ELP4: variants seen among roughly 807,000 people sequenced by gnomAD.
ELP4 encodes the protein elongator complex protein 4.
ELP4 carries 51 observed loss-of-function variants against 48.9 expected under a neutral mutation model. The observed-to-expected ratio is 1.04, with a 90% CI of 0.83 to 1.32. ELP4 has a LOEUF of 1.32. Ranked by LOEUF, ELP4 falls within the 40% of genes most tolerant of loss-of-function variation. The pLI, the probability that ELP4 is intolerant of heterozygous loss-of-function variation, is 0.00. For missense variants in ELP4, 519 were observed against 514.6 expected (o/e 1.01, Z -0.08); for synonymous variants, 210 against 189.2 (o/e 1.11, Z -0.90).
At chr11:31,691,503 G>T (rs1467726354) in intron 9 of ELP4, among the ~76,000 whole-genome samples, 3 of 152,000 alleles carry the variant, frequency 2.0e-5, no homozygotes, top group Non-Finnish European at 2.9e-5. Context: ...CATAAATTGT[G>T]TTTGGTGTTT....
Position 31,636,378 on chromosome 11 carries a change from A to G in ELP4, c.927+3973A>G, listed in dbSNP as rs563697919. ...TGTGATATCTTTATTTGAGTGCATT[A>G]TATAAATTAATATTAAAGGTACTTT... On this transcript the variant is annotated intron_variant, in intron 7 of 9. Coordinates refer to ENST00000640961, the MANE Select transcript of ELP4 (RefSeq NM_019040.5). 3.3e-5 allele frequency among the ~76,000 whole-genome samples: 5 copies of G among 151,910 alleles called. No homozygotes were observed. The South Asian group carries it at 1.0e-3, about 31-fold the overall frequency.
At chr11:31,741,770 G>T (rs1456447396) in intron 9 of ELP4, among the ~76,000 whole-genome samples, 1 of 151,984 alleles carries the variant, frequency 6.6e-6, no homozygotes, top group Non-Finnish European at 1.5e-5. Flanking sequence ...AAAGACCAAA[G>T]GTAGATAAAA....
Position 31,566,463 on chromosome 11 carries a change from T to C in ELP4, c.381+26680T>C, listed in dbSNP as rs145946676. On this transcript the variant is annotated intron_variant, in intron 3 of 9. Transcript: ENST00000640961. ...TTAATTTGTATGGACCACATTTTTATTTTCTGTTATTTTTGTTCAAATTTT... is the reference window on the plus strand; with the variant it reads ...TTAATTTGTATGGACCACATTTTTACTTTCTGTTATTTTTGTTCAAATTTT... Among the ~76,000 whole-genome samples the C allele has an allele frequency of 3.8e-3, 577 of 152,312 alleles. 2 individuals carry two copies. The highest frequency in any genetic ancestry group is 0.013 in the African/African-American group (556 of 41,564).
chr11:31,750,982 A>G (rs1303344457), intron 9 of ELP4, among the ~76,000 whole-genome samples: 1 of 152,206 alleles, frequency 6.6e-6, no homozygotes, highest in Non-Finnish European at 1.5e-5. Context: ...AGGCTCCAGT[A>G]TTTAACACCT....
intron 9 of ELP4, among the ~76,000 whole-genome samples, chr11:31,712,626 A>C (rs544461615): frequency 6.6e-6 from 1 of 152,126 alleles, no homozygotes; most frequent in Admixed American, 6.5e-5. Context: ...TACAATTTTC[A>C]TTTTTAAGAG....
At chr11:31,756,192 G>A (rs1444578910) in intron 9 of ELP4, among the ~76,000 whole-genome samples, 1 of 152,024 alleles carries the variant, frequency 6.6e-6, no homozygotes, top group East Asian at 1.9e-4. Context: ...TTCCAGTGTT[G>A]CCCAGCCTGT....
At chr11:31,715,829 G>A (rs1592248063) in intron 9 of ELP4, among the ~76,000 whole-genome samples, 1 of 152,220 alleles carries the variant, frequency 6.6e-6, no homozygotes, top group South Asian at 2.1e-4. Flanking sequence ...ACTTAGCCTA[G>A]GATCTGACAC....
chr11:31,706,408 A>G (rs1946633340), intron 9 of ELP4, among the ~76,000 whole-genome samples: 2 of 151,568 alleles, frequency 1.3e-5, no homozygotes, highest in African/African-American at 4.8e-5. Flanking sequence ...AGGTGGGAAG[A>G]TTGCTTGAAG....
At chr11:31,693,333 G>A (rs867002868) in intron 9 of ELP4, among the ~76,000 whole-genome samples, 2 of 151,418 alleles carry the variant, frequency 1.3e-5, no homozygotes, top group African/African-American at 2.4e-5. Context: ...TGACAGCCCT[G>A]GGTGTGTAAT....
At chr11:31,521,138 G>T (rs1033706570) in intron 2 of ELP4, among the ~76,000 whole-genome samples, 4 of 152,146 alleles carry the variant, frequency 2.6e-5, no homozygotes, top group South Asian at 2.1e-4. Context: ...TGGCATGTAC[G>T]TAAGAATTTG....
intron 9 of ELP4, among the ~76,000 whole-genome samples, chr11:31,737,508 G>A (rs1947346537): frequency 2.0e-5 from 3 of 151,838 alleles, no homozygotes; most frequent in South Asian, 4.2e-4. Context: ...AAAAGCTTCT[G>A]CACCACAAAG....
At chr11:31,517,761 C>T (rs1055614929) in intron 1 of ELP4, among the ~76,000 whole-genome samples, 3 of 151,838 alleles carry the variant, frequency 2.0e-5, no homozygotes, top group South Asian at 2.1e-4. Context: ...GGACTACAGG[C>T]GGCAGCCACC....
chr11:31,790,118 AAAC>A lies in ELP4; in HGVS notation c.*6595_*6597del. 1.3e-6 allele frequency: 1 copy of A among 779,398 alleles called. No homozygotes were observed. The highest frequency in any genetic ancestry group is 2.1e-6 in the Non-Finnish European group (1 of 477,060). 48.3% of individuals were successfully genotyped at this position (779,398 alleles called of 1,614,324 possible). A position where few individuals can be genotyped will look rare whatever the true frequency, so the allele number is the denominator to read the frequency against. On this transcript the variant is annotated 3_prime_UTR_variant, in exon 10 of 10. Coordinates refer to ENST00000640961, the MANE Select transcript of ELP4 (RefSeq NM_019040.5). The stretch of plus-strand genomic sequence containing the variant: ...TTTACAAAAAAAAAAAAAAAAAAAA[AAAC>A]TAATACTTTCTAACATTTTTTACTG...
chr11:31,692,415 C>A (rs1031321696), intron 9 of ELP4, among the ~76,000 whole-genome samples: 1 of 152,162 alleles, frequency 6.6e-6, no homozygotes, highest in Admixed American at 6.6e-5. Flanking sequence ...GTTTTCCCTA[C>A]TCACTGTTGC....
At chr11:31,659,201 A>G (rs1031110945) in intron 9 of ELP4, among the ~76,000 whole-genome samples, 4 of 152,102 alleles carry the variant, frequency 2.6e-5, no homozygotes, top group East Asian at 1.9e-4. Flanking sequence ...TTACTTAAGT[A>G]GAAATTAAAA....
rs1051516020 is a variant in ELP4, at chr11:31,790,215, T to A, written c.*6691T>A. On this transcript the variant is annotated 3_prime_UTR_variant, in exon 10 of 10. Coordinates refer to ENST00000640961, the MANE Select transcript of ELP4 (RefSeq NM_019040.5). ...AGAAACTAGACAATATATGTATATATACCTATTGGATCCCAAGTACCCCCC... is the reference window on the plus strand; with the variant it reads ...AGAAACTAGACAATATATGTATATAAACCTATTGGATCCCAAGTACCCCCC... 14 of 561,012 alleles carry A rather than the reference T, an allele frequency of 2.5e-5. No homozygotes were observed. Among genetic ancestry groups the A allele is most frequent in the Non-Finnish European group, 4.0e-5 (13 of 324,910 alleles). 34.8% of individuals were successfully genotyped at this position (561,012 alleles called of 1,614,324 possible). A position where few individuals can be genotyped will look rare whatever the true frequency, so the allele number is the denominator to read the frequency against.
At chr11:31,513,919 G>A (rs953000498) in intron 1 of ELP4, among the ~76,000 whole-genome samples, 2 of 152,106 alleles carry the variant, frequency 1.3e-5, no homozygotes, top group Non-Finnish European at 2.9e-5. Context: ...TTTAAAATAT[G>A]TGAAATCTTG....
intron 9 of ELP4, among the ~76,000 whole-genome samples, chr11:31,677,105 C>A (rs1247442653): frequency 6.6e-6 from 1 of 152,170 alleles, no homozygotes; most frequent in African/African-American, 2.4e-5. Context: ...GTCTAATTGG[C>A]AATCATTGTC....
At chr11:31,621,757 C>T (rs1944626639) in intron 5 of ELP4, among the ~76,000 whole-genome samples, 1 of 151,900 alleles carries the variant, frequency 6.6e-6, no homozygotes, top group African/African-American at 2.4e-5. Context: ...TAAAACTATG[C>T]ACCTGAATGC....
Sources: gnomAD v4.1 joint callset for allele counts (sites outside exome capture counted in the v4.1 genomes callset) on GRCh38, gnomAD v4.1.1 for gene constraint, MANE v1.5 for transcripts, NCBI Gene and HGNC (gene_info 2026-07-23, HGNC 2026-07-21) for gene names.